PPP2R2B: variants seen among roughly 807,000 people sequenced by gnomAD.
PPP2R2B encodes serine/threonine-protein phosphatase 2A 55 kDa regulatory subunit B beta isoform.
A neutral mutation model predicts 46.0 loss-of-function variants in PPP2R2B; 5 were observed. The ratio of observed to expected loss-of-function variants is 0.11; its 90% CI spans 0.06 to 0.23. The LOEUF (loss-of-function observed/expected upper bound fraction) is 0.23, where lower values mean the gene tolerates loss of function less well. Ranked by LOEUF, PPP2R2B falls within the 10% of genes least tolerant of loss-of-function variation. The probability of loss-of-function intolerance (pLI) is 1.00; values close to 1 mark genes in which losing one functional copy is unlikely to be tolerated. For synonymous variants in PPP2R2B, 215 were observed against 206.7 expected (o/e 1.04, Z -0.34); for missense variants, 367 against 575.0 (o/e 0.64, Z 3.70).
intron 1 of PPP2R2B, among the ~76,000 whole-genome samples, chr5:146,974,536 T>C (rs1752808338): frequency 6.6e-6 from 1 of 152,190 alleles, no homozygotes; most frequent in South Asian, 2.1e-4. Flanking sequence ...CACATTGATC[T>C]ATTTCTTCAC....
intron 1 of PPP2R2B, among the ~76,000 whole-genome samples, chr5:147,016,538 G>A (rs1387400226): frequency 2.5e-4 from 2 of 8,082 alleles, no homozygotes; most frequent in African/African-American, 1.3e-3. Context: ...TCTAAAATAA[G>A]TCTGAGAAAA....
At chr5:147,060,752 T>A (rs1191099225), upstream of PPP2R2B, among the ~76,000 whole-genome samples, 1 of 152,186 alleles carries the variant, frequency 6.6e-6, no homozygotes, top group Non-Finnish European at 1.5e-5. Context: ...GAGGATCAAA[T>A]GAGGTAATCC....
At chr5:147,076,443 C>G (rs933140751) in intron 2 of PPP2R2B, among the ~76,000 whole-genome samples, 1 of 151,972 alleles carries the variant, frequency 6.6e-6, no homozygotes, top group African/African-American at 2.4e-5. Flanking sequence ...AAAATATAAA[C>G]TTTTAACAGT....
intron 6 of PPP2R2B, among the ~76,000 whole-genome samples, chr5:146,648,118 C>T (rs1476106348): frequency 1.3e-5 from 2 of 152,220 alleles, no homozygotes; most frequent in African/African-American, 4.8e-5. Context: ...GGCTGCCTTG[C>T]AGTTAAGAGT....
At chr5:147,039,447 G>A (rs991682990) in intron 1 of PPP2R2B, among the ~76,000 whole-genome samples, 2 of 152,142 alleles carry the variant, frequency 1.3e-5, no homozygotes, top group African/African-American at 4.8e-5. Flanking sequence ...GACCCAGATA[G>A]ATCCCGGGGG....
intron 2 of PPP2R2B, among the ~76,000 whole-genome samples, chr5:146,825,171 G>T (rs143571126): frequency 3.9e-5 from 6 of 152,156 alleles, no homozygotes; most frequent in African/African-American, 7.2e-5. Context: ...CAGAGCCGAC[G>T]TTATCACATA....
intron 2 of PPP2R2B, among the ~76,000 whole-genome samples, chr5:147,070,066 G>C (rs1297223925): frequency 1.3e-5 from 2 of 152,022 alleles, no homozygotes; most frequent in African/African-American, 2.4e-5. Context: ...TGGGATTACA[G>C]GTGTGAGCCA....
chr5:146,905,434 T>A (rs954488347), intron 1 of PPP2R2B, among the ~76,000 whole-genome samples: 1 of 152,168 alleles, frequency 6.6e-6, no homozygotes, highest in African/African-American at 2.4e-5. Flanking sequence ...AGAGATGGGA[T>A]CTCACTATGT....
chr5:146,895,917 A>C (rs1475714993), intron 1 of PPP2R2B, among the ~76,000 whole-genome samples: 2 of 152,164 alleles, frequency 1.3e-5, no homozygotes, highest in Non-Finnish European at 2.9e-5. Flanking sequence ...ATGTCCTGTC[A>C]CAGACCAGTC....
chr5:146,812,747 C>A (rs1331844724), intron 2 of PPP2R2B, among the ~76,000 whole-genome samples: 5 of 26,682 alleles, frequency 1.9e-4, no homozygotes, highest in Admixed American at 5.6e-4. Context: ...TATATATATA[C>A]TGCTATCACT....
intron 7 of PPP2R2B, among the ~76,000 whole-genome samples, chr5:146,632,854 G>C (rs544832799): frequency 2.0e-5 from 3 of 152,264 alleles, no homozygotes; most frequent in Non-Finnish European, 4.4e-5. Context: ...TGTATTGGAG[G>C]TGTAGGAAGC....
intron 7 of PPP2R2B, among the ~76,000 whole-genome samples, chr5:146,619,053 C>T (rs1054879951): frequency 6.6e-6 from 1 of 152,154 alleles, no homozygotes; most frequent in Non-Finnish European, 1.5e-5. Flanking sequence ...ATATTACTCT[C>T]TACTTCATTC....
intron 2 of PPP2R2B, among the ~76,000 whole-genome samples, chr5:146,824,795 G>C (rs1213789064): frequency 1.4e-5 from 2 of 146,718 alleles, no homozygotes; most frequent in African/African-American, 5.1e-5. Flanking sequence ...TCGGCTCACT[G>C]TAACCTCTGC....
At chr5:146,759,922 C>T (rs1348368572) in intron 2 of PPP2R2B, among the ~76,000 whole-genome samples, 7 of 152,068 alleles carry the variant, frequency 4.6e-5, no homozygotes. Flanking sequence ...ATATGATGTG[C>T]CAATAGTGTA....
chr5:146,935,526 G>C (rs1389068633), intron 1 of PPP2R2B, among the ~76,000 whole-genome samples: 1 of 152,122 alleles, frequency 6.6e-6, no homozygotes, highest in Non-Finnish European at 1.5e-5. Flanking sequence ...GCCAATATGG[G>C]GGAATGCCAA....
chr5:146,785,937 T>G (rs1755812084), intron 2 of PPP2R2B, among the ~76,000 whole-genome samples: 1 of 152,094 alleles, frequency 6.6e-6, no homozygotes, highest in African/African-American at 2.4e-5. Flanking sequence ...TATAGTCAGA[T>G]AGAAGAAATA....
intron 5 of PPP2R2B, among the ~76,000 whole-genome samples, chr5:146,680,458 G>A (rs572857998): frequency 1.1e-4 from 17 of 151,674 alleles, no homozygotes; most frequent in Admixed American, 9.8e-4. Context: ...TGACGAGTTA[G>A]TGGGTGCAGC....
chr5:147,033,960 C>A (rs754096938), intron 1 of PPP2R2B, among the ~76,000 whole-genome samples: 1 of 152,114 alleles, frequency 6.6e-6, no homozygotes, highest in Non-Finnish European at 1.5e-5. Context: ...AGTCCTTGAC[C>A]TACTTTAAAC....
chr5:146,884,799 C>T (rs553937374), intron 1 of PPP2R2B, among the ~76,000 whole-genome samples: 35 of 152,214 alleles, frequency 2.3e-4, no homozygotes, highest in Non-Finnish European at 3.2e-4. Flanking sequence ...TAGCAACACT[C>T]CAGGGATATA....
Sources: gnomAD v4.1 joint callset for allele counts (sites outside exome capture counted in the v4.1 genomes callset) on GRCh38, gnomAD v4.1.1 for gene constraint, MANE v1.5 for transcripts, NCBI Gene and HGNC (gene_info 2026-07-23, HGNC 2026-07-21) for gene names.